Variants in TMEM132D observed in about 807,000 individuals in gnomAD.
TMEM132D encodes transmembrane protein 132D.
TMEM132D carries 21 observed loss-of-function variants against 62.3 expected under a neutral mutation model. The observed-to-expected ratio is 0.34, with a 90% CI of 0.24 to 0.49. The LOEUF (loss-of-function observed/expected upper bound fraction) is 0.49, where lower values mean the gene tolerates loss of function less well. Ranked by LOEUF, TMEM132D falls within the 20% of genes least tolerant of loss-of-function variation. The probability of loss-of-function intolerance (pLI) is 0.99; values close to 1 mark genes in which losing one functional copy is unlikely to be tolerated. For synonymous variants in TMEM132D, 621 were observed against 575.6 expected (o/e 1.08, Z -1.13); for missense variants, 1,346 against 1,402.8 (o/e 0.96, Z 0.65).
intron 3 of TMEM132D, among the ~76,000 whole-genome samples, chr12:129,448,621 C>G (rs911386640): frequency 6.6e-6 from 1 of 152,112 alleles, no homozygotes; most frequent in African/African-American, 2.4e-5. Flanking sequence ...TTTATCCAGT[C>G]GGTCATTGGT....
In TMEM132D at chr12:129,513,568, T is replaced by C. The variant is rs374167911; in HGVS notation, c.1115+17491A>G. 1.6e-3 allele frequency among the ~76,000 whole-genome samples: 250 copies of C among 151,898 alleles called. 1 individual carries two copies. Among genetic ancestry groups the C allele is most frequent in the African/African-American group, 5.8e-3 (241 of 41,436 alleles). On this transcript the variant is annotated intron_variant, in intron 3 of 8. Coordinates refer to ENST00000422113, the MANE Select transcript of TMEM132D (RefSeq NM_133448.3). Reference sequence around the variant, plus strand: ...GGCGCGATCTCGGCTCACTGCAAGCTTCGCCTCCCGGGTTCACGCCATTCT... The same window carrying C: ...GGCGCGATCTCGGCTCACTGCAAGCCTCGCCTCCCGGGTTCACGCCATTCT...
intron 1 of TMEM132D, among the ~76,000 whole-genome samples, chr12:129,741,606 A>C (rs1367535692): frequency 1.3e-5 from 2 of 152,198 alleles, no homozygotes; most frequent in Non-Finnish European, 2.9e-5. Context: ...CAAGAAGATA[A>C]AAGGGAAGAA....
intron 3 of TMEM132D, among the ~76,000 whole-genome samples, chr12:129,459,425 C>T (rs1449937963): frequency 2.0e-5 from 3 of 152,152 alleles, no homozygotes; most frequent in East Asian, 1.9e-4. Context: ...GGTACTGATG[C>T]TATGCAGGTA....
At chr12:129,744,436 A>G (rs527631943) in intron 1 of TMEM132D, among the ~76,000 whole-genome samples, 1 of 152,232 alleles carries the variant, frequency 6.6e-6, no homozygotes, top group African/African-American at 2.4e-5. Flanking sequence ...CAGCTGGAGC[A>G]GACAGTCTGA....
intron 5 of TMEM132D, among the ~76,000 whole-genome samples, chr12:129,172,870 C>T (rs1046146184): frequency 6.6e-6 from 1 of 152,148 alleles, no homozygotes; most frequent in Non-Finnish European, 1.5e-5. Context: ...AGCCACTGCA[C>T]CCGGCCTGGC....
intron 1 of TMEM132D, among the ~76,000 whole-genome samples, chr12:129,736,093 T>TC (rs139325542): frequency 6.6e-6 from 1 of 151,446 alleles, no homozygotes; most frequent in East Asian, 2.0e-4. Context: ...TCTCCAGATA[T>TC]CCACTCTACA....
At chr12:129,217,489 G>A (rs530441383) in intron 4 of TMEM132D, among the ~76,000 whole-genome samples, 49 of 152,244 alleles carry the variant, frequency 3.2e-4, no homozygotes, top group African/African-American at 6.7e-4. Flanking sequence ...GAAACGGAGC[G>A]CCACCTGAAC....
At chr12:129,460,427 C>T (rs1404184816) in intron 3 of TMEM132D, among the ~76,000 whole-genome samples, 1 of 152,194 alleles carries the variant, frequency 6.6e-6, no homozygotes, top group Admixed American at 6.5e-5. Context: ...GGAACATGAA[C>T]TCAGGCTGCC....
Position 129,073,339 on chromosome 12 carries a change from A to C in TMEM132D, c.*536T>G, listed in dbSNP as rs1288309817. The stretch of plus-strand genomic sequence containing the variant: ...ACAGCTCTGGCCCAGCCTTTGAGAG[A>C]CAATGACTCACAATCATGCCTCCCA... On this transcript the variant is annotated 3_prime_UTR_variant, in exon 9 of 9. Coordinates refer to ENST00000422113, the MANE Select transcript of TMEM132D (RefSeq NM_133448.3). The C allele has an allele frequency of 6.5e-6, 1 of 152,688 alleles. No individual in the cohort carries two copies. The highest frequency in any genetic ancestry group is 1.5e-5 in the Non-Finnish European group (1 of 68,370). The allele number at this position is 152,688 out of a possible 1,614,324, so 9.5% of individuals were successfully genotyped here.
chr12:129,275,656 A>C (rs886307935), intron 4 of TMEM132D, among the ~76,000 whole-genome samples: 19 of 152,220 alleles, frequency 1.2e-4, no homozygotes, highest in African/African-American at 4.6e-4. Context: ...GGCCGCCTGC[A>C]TTCCATGTTT....
At chr12:129,899,989 T>A (rs1418749106) in intron 1 of TMEM132D, among the ~76,000 whole-genome samples, 1 of 152,194 alleles carries the variant, frequency 6.6e-6, no homozygotes, top group East Asian at 1.9e-4. Context: ...CTTCCTTCAA[T>A]AAGGGTGGTG....
chr12:129,257,365 A>G (rs971831478), intron 4 of TMEM132D, among the ~76,000 whole-genome samples: 1 of 151,386 alleles, frequency 6.6e-6, no homozygotes, highest in Non-Finnish European at 1.5e-5. Context: ...CGCCACCACG[A>G]CCGGCTAATT....
At chr12:129,270,107 G>C (rs571486307) in intron 4 of TMEM132D, among the ~76,000 whole-genome samples, 1 of 152,182 alleles carries the variant, frequency 6.6e-6, no homozygotes, top group African/African-American at 2.4e-5. Context: ...GTCAAGTCTC[G>C]ATTCCTTCCT....
chr12:129,639,821 A>AT (rs373474214), intron 2 of TMEM132D, among the ~76,000 whole-genome samples: 18 of 151,690 alleles, frequency 1.2e-4, no homozygotes, highest in African/African-American at 4.1e-4. Flanking sequence ...TTCAGAGTAA[A>AT]TTTTTTTTTC....
chr12:129,578,446 A>G (rs558979036), intron 2 of TMEM132D, among the ~76,000 whole-genome samples: 1 of 143,990 alleles, frequency 6.9e-6, no homozygotes, highest in African/African-American at 2.5e-5. Flanking sequence ...ATGTATGTAT[A>G]TATATATGAC....
intron 2 of TMEM132D, among the ~76,000 whole-genome samples, chr12:129,570,006 G>A (rs1338783732): frequency 2.0e-5 from 3 of 152,082 alleles, no homozygotes; most frequent in Non-Finnish European, 2.9e-5. Context: ...TCAATTCTAC[G>A]GGAAGAGACT....
chr12:129,667,651 T>A (rs1880408878), intron 2 of TMEM132D, among the ~76,000 whole-genome samples: 2 of 151,994 alleles, frequency 1.3e-5, no homozygotes, highest in Non-Finnish European at 2.9e-5. Flanking sequence ...ATATTTTAGA[T>A]TAGCAAAATA....
intron 3 of TMEM132D, among the ~76,000 whole-genome samples, chr12:129,529,443 C>A (rs567962210): frequency 2.6e-5 from 4 of 152,224 alleles, no homozygotes; most frequent in African/African-American, 7.2e-5. Context: ...ACCATTGGGC[C>A]CCCCCATGCT....
At chr12:129,722,053 A>T (rs1018779835) in intron 1 of TMEM132D, among the ~76,000 whole-genome samples, 6 of 152,194 alleles carry the variant, frequency 3.9e-5, no homozygotes, top group Admixed American at 6.5e-5. Context: ...TGGCCAGCTA[A>T]ATGGTGGGTG....
Sources: gnomAD v4.1 joint callset for allele counts (sites outside exome capture counted in the v4.1 genomes callset) on GRCh38, gnomAD v4.1.1 for gene constraint, MANE v1.5 for transcripts, NCBI Gene and HGNC (gene_info 2026-07-23, HGNC 2026-07-21) for gene names.